VWA3B: variants seen among roughly 807,000 people sequenced by gnomAD.
VWA3B encodes von Willebrand factor A domain-containing protein 3B.
A neutral mutation model predicts 158.3 loss-of-function variants in VWA3B; 138 were observed. That is an observed-to-expected ratio of 0.87 (90% CI 0.76 to 1.00). The LOEUF (loss-of-function observed/expected upper bound fraction) is 1.00. Ranked by LOEUF, VWA3B falls within the 50% of genes least tolerant of loss-of-function variation. VWA3B has a pLI of 0.00. For synonymous variants in VWA3B, 596 were observed against 587.3 expected (o/e 1.01, Z -0.21); for missense variants, 1,555 against 1,565.1 (o/e 0.99, Z 0.11).
chr2:98,135,135 C>T (rs989326769), intron 7 of VWA3B, among the ~76,000 whole-genome samples: 2 of 152,082 alleles, frequency 1.3e-5, no homozygotes, highest in Admixed American at 6.5e-5. Flanking sequence ...GATTTAATCA[C>T]GGCAAAGAAT....
chr2:98,323,311 C>T, the VWA3B span, among the ~76,000 whole-genome samples: 1 of 151,750 alleles, frequency 6.6e-6, no homozygotes, highest in Non-Finnish European at 1.5e-5. Context: ...ATAGACTGAG[C>T]AGCAAAATGG....
intron 14 of VWA3B, among the ~76,000 whole-genome samples, chr2:98,221,303 T>G (rs2105628499): frequency 6.6e-6 from 1 of 152,282 alleles, no homozygotes; most frequent in East Asian, 1.9e-4. Context: ...ACGAAAAGCC[T>G]GTTCCCCACC....
At chr2:98,221,835 G>T (rs1403664140) in intron 14 of VWA3B, among the ~76,000 whole-genome samples, 1 of 152,144 alleles carries the variant, frequency 6.6e-6, no homozygotes, top group Non-Finnish European at 1.5e-5. Context: ...ACCTAACCAG[G>T]CAGTGTGAGG....
In VWA3B at chr2:98,147,114, T is replaced by C. The variant is rs116642065; in HGVS notation, c.988+13175T>C. 9.8e-3 allele frequency among the ~76,000 whole-genome samples: 1,493 copies of C among 152,374 alleles called. 14 individuals are homozygous for C. The highest frequency in any genetic ancestry group is 0.019 in the Admixed American group (292 of 15,298). On this transcript the variant is annotated intron_variant, in intron 7 of 27. Transcript: ENST00000477737. ...AATTGTGGTGTTTTAAAAGAGAATG[T>C]AATTTGTAATATTAGAAAATAACTT...
intron 12 of VWA3B, among the ~76,000 whole-genome samples, chr2:98,195,223 G>A (rs1432749494): frequency 1.3e-5 from 2 of 152,204 alleles, no homozygotes; most frequent in African/African-American, 2.4e-5. Flanking sequence ...TGAGGTAGGA[G>A]GATCGTTTGA....
At chr2:98,151,559 C>G (rs1346736589) in intron 7 of VWA3B, among the ~76,000 whole-genome samples, 1 of 152,112 alleles carries the variant, frequency 6.6e-6, no homozygotes, top group East Asian at 1.9e-4. Context: ...CTACTCCACT[C>G]ACACGGAGGT....
At chr2:98,186,317 T>C (rs1681045764) in intron 9 of VWA3B, among the ~76,000 whole-genome samples, 1 of 151,980 alleles carries the variant, frequency 6.6e-6, no homozygotes, top group African/African-American at 2.4e-5. Context: ...CTGTCTACAC[T>C]CATTTCCTGG....
At chr2:98,288,324 TGTGGGCA>T (rs1253810284) in intron 22 of VWA3B, among the ~76,000 whole-genome samples, 1 of 152,230 alleles carries the variant, frequency 6.6e-6, no homozygotes, top group East Asian at 1.9e-4. Flanking sequence ...CCTTACCATC[TGTGGGCA>T]GTAGTTTCCA....
intron 16 of VWA3B, among the ~76,000 whole-genome samples, chr2:98,233,915 A>G (rs928628131): frequency 9.2e-5 from 14 of 152,248 alleles, no homozygotes; most frequent in African/African-American, 3.4e-4. Flanking sequence ...AAAAGTAATC[A>G]AGATGACTTG....
At chr2:98,280,357 A>T (rs571365995) in intron 22 of VWA3B, among the ~76,000 whole-genome samples, 1 of 152,340 alleles carries the variant, frequency 6.6e-6, no homozygotes, top group South Asian at 2.1e-4. Context: ...AGAAAGAGAG[A>T]GAGAGAAAAA....
chr2:98,163,480 G>A (rs1012444090), intron 8 of VWA3B, among the ~76,000 whole-genome samples: 1 of 152,208 alleles, frequency 6.6e-6, no homozygotes, highest in Admixed American at 6.5e-5. Context: ...AGAGATCACA[G>A]TGAGCCGAGA....
At chr2:98,314,699 T>G (rs897412147), downstream of VWA3B, among the ~76,000 whole-genome samples, 1 of 152,128 alleles carries the variant, frequency 6.6e-6, no homozygotes, top group African/African-American at 2.4e-5. Context: ...AAGACAGGCA[T>G]GAAAAACAGC....
At chr2:98,248,402 A>G (rs924917039) in intron 19 of VWA3B, among the ~76,000 whole-genome samples, 1 of 152,026 alleles carries the variant, frequency 6.6e-6, no homozygotes, top group African/African-American at 2.4e-5. Flanking sequence ...TTCTCCTTCT[A>G]TTTGGCAGTT....
intron 6 of VWA3B, among the ~76,000 whole-genome samples, chr2:98,129,224 A>T (rs113774949): frequency 5.0e-3 from 628 of 124,640 alleles, no homozygotes; most frequent in South Asian, 0.017. Flanking sequence ...AGAGAGAGAG[A>T]GTGTGTGTGT....
chr2:98,187,951 T>C, intron 9 of VWA3B, 24 bp from the exon 10 acceptor site: 1 of 1,581,886 alleles, frequency 6.3e-7, no homozygotes, highest in Non-Finnish European at 8.6e-7. Flanking sequence ...TCTGAGTGGC[T>C]TCTGTCCTTT....
chr2:98,305,835 A>G (rs913343484), intron 26 of VWA3B, among the ~76,000 whole-genome samples: 1 of 152,102 alleles, frequency 6.6e-6, no homozygotes, highest in Admixed American at 6.5e-5. Context: ...ATAAGGGCTG[A>G]GCAGAATCAA....
intron 6 of VWA3B, among the ~76,000 whole-genome samples, chr2:98,130,219 C>A (rs1559557663): frequency 6.6e-6 from 1 of 152,118 alleles, no homozygotes; most frequent in African/African-American, 2.4e-5. Flanking sequence ...CCTTAAAGAG[C>A]AGTATTGCTG....
At chr2:98,162,825 C>T (rs770834368) in intron 7 of VWA3B, 26 bp from the exon 8 acceptor site, 15 of 1,612,010 alleles carry the variant, frequency 9.3e-6, no homozygotes, top group South Asian at 2.2e-5. Flanking sequence ...CTCAGCCGGC[C>T]GCTCATGCTG....
intron 7 of VWA3B, among the ~76,000 whole-genome samples, chr2:98,153,613 T>G (rs1677817184): frequency 6.6e-6 from 1 of 152,250 alleles, no homozygotes; most frequent in African/African-American, 2.4e-5. Flanking sequence ...GGCTTGGCAT[T>G]GCTTCTTTGT....
Sources: gnomAD v4.1 joint callset for allele counts (sites outside exome capture counted in the v4.1 genomes callset) on GRCh38, gnomAD v4.1.1 for gene constraint, MANE v1.5 for transcripts, NCBI Gene and HGNC (gene_info 2026-07-23, HGNC 2026-07-21) for gene names.